UBE2K: variants seen among roughly 807,000 people sequenced by gnomAD.
UBE2K encodes ubiquitin-conjugating enzyme E2 K.
UBE2K carries 6 observed loss-of-function variants against 30.0 expected under a neutral mutation model. That is an observed-to-expected ratio of 0.20 (90% confidence interval 0.11 to 0.39). The LOEUF (loss-of-function observed/expected upper bound fraction) is 0.39. UBE2K is among the 10% of genes least tolerant of loss of function. The probability of loss-of-function intolerance (pLI) is 1.00; values close to 1 mark genes in which losing one functional copy is unlikely to be tolerated. For synonymous variants in UBE2K, 86 were observed against 83.7 expected, an observed-to-expected ratio of 1.03 and a Z score of -0.15; for missense variants, 61 against 241.6, an observed-to-expected ratio of 0.25 and a Z score of 4.96.
At chr4:39,764,329 A>T (rs1197518659) in intron 4 of UBE2K, among the ~76,000 whole-genome samples, 1 of 152,190 alleles carries the variant, frequency 6.6e-6, no homozygotes. Flanking sequence ...CAGAAAAGTG[A>T]CAACGTTTTC....
In UBE2K at chr4:39,778,846, T is replaced by C. The variant is rs1453925398; in HGVS notation, c.*412T>C. The C allele has an allele frequency of 6.5e-6, 1 of 154,774 alleles. No individual in the cohort carries two copies. The highest frequency in any genetic ancestry group is 1.4e-5 in the Non-Finnish European group (1 of 69,560). The allele number at this position is 154,774 out of a possible 1,614,324, so 9.6% of individuals were successfully genotyped here. On this transcript the variant is annotated 3_prime_UTR_variant, in exon 7 of 7. Coordinates refer to ENST00000261427, the MANE Select transcript of UBE2K (RefSeq NM_005339.5). ...GCATCACAGCTACCTTAACTGTTTT[T>C]AACATGGATCCTCTGTGCCTGTGAA...
chr4:39,703,172 G>A (rs1246784507), intron 1 of UBE2K, among the ~76,000 whole-genome samples: 3 of 152,006 alleles, frequency 2.0e-5, no homozygotes, highest in Non-Finnish European at 4.4e-5. Context: ...TTTATTTTTA[G>A]TAGAGACGGG....
intron 4 of UBE2K, chr4:39,770,285 G>A (rs1168511781): frequency 4.3e-6 from 7 of 1,611,178 alleles, no homozygotes; most frequent in East Asian, 2.2e-5. Context: ...AGCACTTGCC[G>A]CAGATGCCGC....
At chr4:39,702,231 C>CTTTTTTTTTTTT (rs564712672) in intron 1 of UBE2K, among the ~76,000 whole-genome samples, 6 of 67,382 alleles carry the variant, frequency 8.9e-5, no homozygotes, top group Admixed American at 1.7e-4. Flanking sequence ...CTTTTCTTTT[C>CTTTTTTTTTTTT]TTTTTTTTTT....
intron 6 of UBE2K, among the ~76,000 whole-genome samples, chr4:39,778,109 A>G (rs1713385965): frequency 6.7e-6 from 1 of 150,182 alleles, no homozygotes; most frequent in Non-Finnish European, 1.5e-5. Flanking sequence ...AAAAAAAAAA[A>G]AAAAAAAAAA....
chr4:39,698,172 C>G lies in UBE2K; in HGVS notation c.-156C>G. 5 of 757,566 alleles carry G rather than the reference C, an allele frequency of 6.6e-6. No individual in the cohort carries two copies. Among genetic ancestry groups the G allele is most frequent in the East Asian group, 5.4e-5 (2 of 37,284 alleles). The allele number at this position is 757,566 out of a possible 1,614,324, so 46.9% of individuals were successfully genotyped here. A position where few individuals can be genotyped will look rare whatever the true frequency, so the allele number is the denominator to read the frequency against. On this transcript the variant is annotated 5_prime_UTR_variant, in exon 1 of 7. Coordinates refer to ENST00000261427, the MANE Select transcript of UBE2K (RefSeq NM_005339.5). Reference sequence around the variant, plus strand: ...GGCCGGGCGCGGAGGTGATTCCACACTGAGGCGAGCGCGGCGGCCGGGGTG... The same window carrying G: ...GGCCGGGCGCGGAGGTGATTCCACAGTGAGGCGAGCGCGGCGGCCGGGGTG...
chr4:39,724,222 C>T (rs936345510), intron 1 of UBE2K, among the ~76,000 whole-genome samples: 6 of 151,712 alleles, frequency 4.0e-5, no homozygotes, highest in Non-Finnish European at 7.4e-5. Flanking sequence ...ATCCTCCAAC[C>T]TCAGCCTCCC....
intron 1 of UBE2K, among the ~76,000 whole-genome samples, chr4:39,717,603 TTC>T (rs1274183371): frequency 3.5e-4 from 54 of 152,314 alleles, no homozygotes; most frequent in African/African-American, 1.1e-3. Flanking sequence ...TGTTACATCA[TTC>T]TCTGTTAGGT....
chr4:39,757,823 C>A (rs1233828484), intron 4 of UBE2K, among the ~76,000 whole-genome samples: 1 of 152,166 alleles, frequency 6.6e-6, no homozygotes, highest in Admixed American at 6.5e-5. Context: ...TTCTATTCTC[C>A]CTTTCCTATG....
chr4:39,699,144 C>T (rs1717869451), intron 1 of UBE2K, among the ~76,000 whole-genome samples: 1 of 152,094 alleles, frequency 6.6e-6, no homozygotes, highest in Non-Finnish European at 1.5e-5. Context: ...GTATTAAAGA[C>T]ATGTAAATAT....
At chr4:39,718,501 C>T (rs1293793193) in intron 1 of UBE2K, among the ~76,000 whole-genome samples, 1 of 152,242 alleles carries the variant, frequency 6.6e-6, no homozygotes, top group Admixed American at 6.5e-5. Flanking sequence ...GCCAGTCCTG[C>T]GCCATGCGCC....
chr4:39,752,335 C>CT lies in UBE2K; in HGVS notation c.217-3303dup, dbSNP rs57289268. ...AATTTTTTTTTTTTTCTTTTTTTTT[C>CT]TTTTTTTTTTTTTTTTTTTGAGACG... On this transcript the variant is annotated intron_variant, in intron 3 of 6. Transcript: ENST00000261427. 2.6e-3 allele frequency among the ~76,000 whole-genome samples: 164 copies of CT among 64,112 alleles called. 1 individual carries two copies. Among genetic ancestry groups the CT allele is most frequent in the African/African-American group, 3.1e-3 (48 of 15,440 alleles). The allele number at this position is 64,112 out of a possible 152,430, so 42.1% of individuals were successfully genotyped here. A position where few individuals can be genotyped will look rare whatever the true frequency, so the allele number is the denominator to read the frequency against.
chr4:39,782,373 T>G lies in UBE2K; in HGVS notation c.*3939T>G, dbSNP rs1331605539. On this transcript the variant is annotated 3_prime_UTR_variant, in exon 7 of 7. Transcript: ENST00000261427. ...TTATTTAATGTAATTTAAAAAACTT[T>G]TCCAATAGAAAATGAAATATTATTG... 2 of 164,454 alleles carry G rather than the reference T, an allele frequency of 1.2e-5. No homozygotes were observed. Among genetic ancestry groups the G allele is most frequent in the Admixed American group, 6.4e-5 (1 of 15,652 alleles). 10.2% of individuals were successfully genotyped at this position (164,454 alleles called of 1,614,324 possible).
At chr4:39,761,393 G>A (rs918223120) in intron 4 of UBE2K, 1 of 152,268 alleles carries the variant, frequency 6.6e-6, no homozygotes, top group Non-Finnish European at 1.5e-5. Flanking sequence ...ATGATCTGTT[G>A]GAAGATCCTT....
intron 3 of UBE2K, among the ~76,000 whole-genome samples, chr4:39,751,587 A>G (rs1165674117): frequency 3.3e-5 from 5 of 152,160 alleles, no homozygotes; most frequent in African/African-American, 1.2e-4. Context: ...GCTGAGGCAG[A>G]AGAATTGAGC....
At chr4:39,751,131 CG>C (rs962010948) in intron 3 of UBE2K, among the ~76,000 whole-genome samples, 4 of 147,516 alleles carry the variant, frequency 2.7e-5, no homozygotes, top group Admixed American at 2.0e-4. Context: ...CAAATAGGGA[CG>C]GGGTCTCACC....
rs1280600401 is a variant in UBE2K, at chr4:39,698,500, C to T, written c.63+110C>T. On this transcript the variant is annotated intron_variant, in intron 1 of 6. Coordinates refer to ENST00000261427, the MANE Select transcript of UBE2K (RefSeq NM_005339.5). ...CCCTGGGTGGTCCTCCTTGCGGCCG[C>T]CCTTCTGCCTGTGAGGAAGCAGCAG... 3 of 985,864 alleles carry T rather than the reference C, an allele frequency of 3.0e-6. No homozygotes were observed. The African/African-American group carries it at 4.8e-5, about 16-fold the overall frequency. The allele number at this position is 985,864 out of a possible 1,614,324, so 61.1% of individuals were successfully genotyped here.
intron 3 of UBE2K, among the ~76,000 whole-genome samples, chr4:39,753,792 T>C (rs116261535): frequency 2.0e-5 from 3 of 152,162 alleles, no homozygotes; most frequent in Admixed American, 6.5e-5. Flanking sequence ...GAGGTAAAAA[T>C]TGAGATTTCA....
At chr4:39,748,820 A>AC (rs370824409) in intron 3 of UBE2K, among the ~76,000 whole-genome samples, 73 of 151,930 alleles carry the variant, frequency 4.8e-4, no homozygotes, top group African/African-American at 1.5e-3. Flanking sequence ...TTAAATAACA[A>AC]AAAAAAATAA....
Sources: allele counts gnomAD v4.1 joint callset (sites outside exome capture counted in the v4.1 genomes callset), GRCh38; gene constraint gnomAD v4.1.1; transcripts MANE v1.5; gene names NCBI Gene and HGNC (gene_info 2026-07-23, HGNC 2026-07-21).